BAALC: variants seen among roughly 807,000 people sequenced by gnomAD.
The protein encoded by BAALC is brain and acute leukemia cytoplasmic protein.
A neutral mutation model predicts 15.5 loss-of-function variants in BAALC; 9 were observed. That is an observed-to-expected ratio of 0.58 (90% CI 0.35 to 1.02). The LOEUF (loss-of-function observed/expected upper bound fraction) is 1.02. Ranked by LOEUF, BAALC falls within the 50% of genes least tolerant of loss-of-function variation. The probability of loss-of-function intolerance (pLI) is 0.02; values close to 1 mark genes in which losing one functional copy is unlikely to be tolerated. For synonymous variants in BAALC, 80 were observed against 74.6 expected (o/e 1.07, Z -0.37); for missense variants, 201 against 192.4 (o/e 1.04, Z -0.27).
intron 1 of BAALC, among the ~76,000 whole-genome samples, chr8:103,177,664 A>G (rs1811637490): frequency 6.6e-6 from 1 of 152,204 alleles, no homozygotes; most frequent in Non-Finnish European, 1.5e-5. Context: ...CACAGAGACT[A>G]GAGTTCTAAT....
At chr8:103,200,760 A>G (rs1399806133) in intron 1 of BAALC, 1 of 692,106 alleles carries the variant, frequency 1.4e-6, no homozygotes, top group African/African-American at 1.7e-5. Context: ...GTGTTCTCAC[A>G]TGGTGGGTCA....
chr8:103,192,237 A>C (rs1811986898), intron 1 of BAALC, among the ~76,000 whole-genome samples: 1 of 152,136 alleles, frequency 6.6e-6, no homozygotes, highest in African/African-American at 2.4e-5. Flanking sequence ...CTTTTAGTAG[A>C]GACAGGGTTT....
At chr8:103,143,844 C>G (rs1810832354) in intron 1 of BAALC, among the ~76,000 whole-genome samples, 1 of 152,218 alleles carries the variant, frequency 6.6e-6, no homozygotes, top group Non-Finnish European at 1.5e-5. Flanking sequence ...GTCAGCTCTT[C>G]CTAGAGCCCC....
At chr8:103,180,906 T>G (rs1811712117) in intron 1 of BAALC, among the ~76,000 whole-genome samples, 1 of 152,198 alleles carries the variant, frequency 6.6e-6, no homozygotes, top group Admixed American at 6.5e-5. Flanking sequence ...TTCCTTCCTT[T>G]CTGGATAATT....
intron 1 of BAALC, among the ~76,000 whole-genome samples, chr8:103,150,377 G>GTGTGTC (rs1810961163): frequency 1.4e-5 from 2 of 147,856 alleles, no homozygotes; most frequent in African/African-American, 4.9e-5. Flanking sequence ...GTATGGCTGG[G>GTGTGTC]TGTGTCTGTG....
intron 2 of BAALC, among the ~76,000 whole-genome samples, chr8:103,219,117 G>A (rs1345643731): frequency 6.6e-6 from 1 of 152,158 alleles, no homozygotes; most frequent in African/African-American, 2.4e-5. Context: ...GAAAAAGGAA[G>A]GAATTTAGCA....
At chr8:103,193,535 G>A (rs13275173) in intron 1 of BAALC, among the ~76,000 whole-genome samples, 21,293 of 152,168 alleles carry the variant, frequency 0.14, 1,568 homozygotes, top group Non-Finnish European at 0.16. Flanking sequence ...AGCCCTGACC[G>A]TGTGTCAGCT....
At chr8:103,148,843 C>T (rs1810925703) in intron 1 of BAALC, among the ~76,000 whole-genome samples, 1 of 152,218 alleles carries the variant, frequency 6.6e-6, no homozygotes, top group Non-Finnish European at 1.5e-5. Flanking sequence ...CGGATTTCCA[C>T]TGTTACTTCC....
chr8:103,145,967 T>C (rs1156662294), intron 1 of BAALC, among the ~76,000 whole-genome samples: 1 of 152,194 alleles, frequency 6.6e-6, no homozygotes, highest in Non-Finnish European at 1.5e-5. Context: ...ATGAAAACAA[T>C]ATTCTAGGTC....
chr8:103,144,118 G>C (rs765001474), intron 1 of BAALC, among the ~76,000 whole-genome samples: 3 of 152,206 alleles, frequency 2.0e-5, no homozygotes, highest in Non-Finnish European at 4.4e-5. Context: ...TCTCACTTGT[G>C]TTTCTCTTAG....
chr8:103,141,861 A>G (rs1291343955), intron 1 of BAALC, among the ~76,000 whole-genome samples: 1 of 152,284 alleles, frequency 6.6e-6, no homozygotes, highest in African/African-American at 2.4e-5. Context: ...TGGTCAGGTC[A>G]TAAGTCAGGA....
chr8:103,158,591 T>C (rs1191074987), intron 1 of BAALC, among the ~76,000 whole-genome samples: 1 of 152,114 alleles, frequency 6.6e-6, no homozygotes, highest in Non-Finnish European at 1.5e-5. Context: ...ACCTGGACAA[T>C]TGATCTGAAC....
intron 1 of BAALC, among the ~76,000 whole-genome samples, chr8:103,174,316 T>C (rs1028545408): frequency 2.0e-5 from 3 of 150,652 alleles, no homozygotes; most frequent in Admixed American, 2.0e-4. Flanking sequence ...GTCATTTGTG[T>C]GTTTTCTGGG....
chr8:103,227,724 A>G (rs1812837986), intron 2 of BAALC, among the ~76,000 whole-genome samples: 1 of 152,166 alleles, frequency 6.6e-6, no homozygotes, highest in Non-Finnish European at 1.5e-5. Context: ...AAAAGAATGT[A>G]ACTGTTTGCC....
chr8:103,147,238 A>G (rs1810896171), intron 1 of BAALC, among the ~76,000 whole-genome samples: 1 of 152,218 alleles, frequency 6.6e-6, no homozygotes, highest in African/African-American at 2.4e-5. Context: ...CTAGCCAAAG[A>G]TGAATTTAAG....
chr8:103,186,566 G>A (rs758856270), intron 1 of BAALC, among the ~76,000 whole-genome samples: 2 of 152,100 alleles, frequency 1.3e-5, no homozygotes, highest in South Asian at 4.1e-4. Context: ...CAATAGAGAC[G>A]ATTTTTTGTC....
chr8:103,157,011 C>A (rs957640852), intron 1 of BAALC: 1 of 152,352 alleles, frequency 6.6e-6, no homozygotes, highest in Non-Finnish European at 1.5e-5. Flanking sequence ...AAAATTCAAA[C>A]GCTGACTCTT....
At chr8:103,166,494 G>C (rs959159005) in intron 1 of BAALC, among the ~76,000 whole-genome samples, 1 of 152,098 alleles carries the variant, frequency 6.6e-6, no homozygotes, top group South Asian at 2.1e-4. Context: ...GGAGACAACG[G>C]GCCTGAGGGC....
At chr8:103,161,050 T>C (rs1811214218) in intron 1 of BAALC, among the ~76,000 whole-genome samples, 1 of 152,198 alleles carries the variant, frequency 6.6e-6, no homozygotes, top group African/African-American at 2.4e-5. Context: ...ATCAACTTGC[T>C]AGACAGGTAG....
Sources: gnomAD v4.1 joint callset for allele counts (sites outside exome capture counted in the v4.1 genomes callset) on GRCh38, gnomAD v4.1.1 for gene constraint, MANE v1.5 for transcripts, NCBI Gene and HGNC (gene_info 2026-07-23, HGNC 2026-07-21) for gene names.